The following MAGEA12 variants were observed in gnomAD, a reference collection of about 807,000 sequenced individuals.
MAGEA12 encodes the protein MAGE family member A12, also known as melanoma-associated antigen 12.
For synonymous variants in MAGEA12, 135 were observed against 104.7 expected, an observed-to-expected ratio of 1.29 and a Z score of -1.77; for missense variants, 235 against 240.1, an observed-to-expected ratio of 0.98 and a Z score of 0.14.
chrX:152,733,876 G>A lies in MAGEA12; in HGVS notation c.-182+17G>A, dbSNP rs1275255336. 8.1e-5 allele frequency: 9 copies of A among 110,778 alleles called. No homozygotes were observed. Among genetic ancestry groups the A allele is most frequent in the African/African-American group, 2.0e-4 (6 of 30,397 alleles). 9.1% of individuals were successfully genotyped at this position (110,778 alleles called of 1,213,427 possible). A position where few individuals can be genotyped will look rare whatever the true frequency, so the allele number is the denominator to read the frequency against. On this transcript the variant is annotated intron_variant, in intron 1 of 2. Transcript: ENST00000393869. ...GGAGGCAAGGTAAGATGCCGAGGGA[G>A]GACTGAGGCGGGCCTCACCCCAGAC...
At chrX:152,734,295 C>T (rs1187171551) in intron 1 of MAGEA12, among the ~76,000 whole-genome samples, 1 of 110,490 alleles carries the variant, frequency 9.1e-6, no homozygotes, top group Non-Finnish European at 1.9e-5. Flanking sequence ...CCCCTGCAAT[C>T]AACCCACGGA....
chrX:152,737,624 C>A lies in MAGEA12; in HGVS notation c.*518C>A. ...AAAAAAGCATGGATACCTGGATATC[C>A]TTGGCTTCTTTGAGAATTTAAGAGA... is the stretch of plus-strand genomic sequence containing the variant. On this transcript the variant is annotated 3_prime_UTR_variant, in exon 3 of 3. Coordinates refer to ENST00000393869, the MANE Select transcript of MAGEA12 (RefSeq NM_001166387.4). 5.3e-6 allele frequency: 1 copy of A among 187,023 alleles called. No individual in the cohort carries two copies. The highest frequency in any genetic ancestry group is 1.0e-5 in the Non-Finnish European group (1 of 95,601). The allele number at this position is 187,023 out of a possible 1,213,427, so 15.4% of individuals were successfully genotyped here.
chrX:152,736,065 G>C, intron 2 of MAGEA12, 22 bp from the exon 3 acceptor site: 1 of 938,501 alleles, frequency 1.1e-6, no homozygotes, highest in East Asian at 3.1e-5. Context: ...ACCCTGAGGC[G>C]CCCTCTCACT....
At position 152,737,541 on chromosome X, in the gene MAGEA12, A is replaced by G; in HGVS notation, c.*435A>G. 1 of 230,220 alleles carries G rather than the reference A, an allele frequency of 4.3e-6. No homozygotes were observed. The highest frequency in any genetic ancestry group is 5.9e-5 in the Admixed American group (1 of 16,822). The allele number at this position is 230,220 out of a possible 1,213,427, so 19.0% of individuals were successfully genotyped here. A position where few individuals can be genotyped will look rare whatever the true frequency, so the allele number is the denominator to read the frequency against. On this transcript the variant is annotated 3_prime_UTR_variant, in exon 3 of 3. Transcript: ENST00000393869. ...TAAAATACATGAGATAAAGACCTCA[A>G]GAAGTTAAAAGATACTTAATTCTTG... is the stretch of plus-strand genomic sequence containing the variant.
chrX:152,736,198 G>A lies in MAGEA12; in HGVS notation c.37G>A (p.Glu13Lys). 1 of 1,211,989 alleles carries A rather than the reference G, an allele frequency of 8.3e-7. No individual in the cohort carries two copies. Among genetic ancestry groups the A allele is most frequent in the Non-Finnish European group, 1.1e-6 (1 of 895,546 alleles). The change falls in exon 3 of 3, where the codon GAG (glutamate) becomes AAG (lysine). Residue 13 changes from glutamate (E) to lysine (K), a missense_variant. Physicochemically the swap from Glu to Lys is moderately conservative, Grantham distance 56. Transcript: ENST00000393869. Reference protein sequence around the residue: ...LEQRSQHCKPEEGLEAQGEAL... With the variant: ...LEQRSQHCKPKEGLEAQGEAL... ...GCAGAGGAGTCAGCACTGCAAGCCTGAGGAAGGCCTTGAGGCCCAAGGAGA... is the reference window on the plus strand; with the variant it reads ...GCAGAGGAGTCAGCACTGCAAGCCTAAGGAAGGCCTTGAGGCCCAAGGAGA...
In MAGEA12 at chrX:152,736,758, A is replaced by G. The variant is rs1556225750; in HGVS notation, c.597A>G (p.Thr199=). ...LLGDNQIVPK[T]GLLIIVLAII... is the part of the protein sequence containing the mutation. ...GCGACAATCAGATCGTGCCCAAGACAGGCCTCCTGATAATCGTCCTGGCCA... is the reference window on the plus strand; with the variant it reads ...GCGACAATCAGATCGTGCCCAAGACGGGCCTCCTGATAATCGTCCTGGCCA... The change falls in exon 3 of 3, where the codon ACA becomes ACG. Residue 199 remains threonine, a synonymous_variant. Coordinates refer to ENST00000393869, the MANE Select transcript of MAGEA12 (RefSeq NM_001166387.4). 2 of 1,211,959 alleles carry G rather than the reference A, an allele frequency of 1.7e-6. No individual in the cohort carries two copies. Among genetic ancestry groups the G allele is most frequent in the Non-Finnish European group, 2.2e-6 (2 of 895,595 alleles).
chrX:152,735,612 C>A (rs1380041494), intron 2 of MAGEA12, among the ~76,000 whole-genome samples: 1 of 112,011 alleles, frequency 8.9e-6, no homozygotes, highest in African/African-American at 3.2e-5. Flanking sequence ...TCCTTCTGTA[C>A]CGTATCAGGG....
rs141176185 is a variant in MAGEA12, at chrX:152,735,666, C to T, written c.-76+413C>T. Among the ~76,000 whole-genome samples the T allele has an allele frequency of 1.3e-3, 149 of 111,998 alleles. No homozygotes were observed. The South Asian group carries it at 0.023, about 17-fold the overall frequency. On this transcript the variant is annotated intron_variant, in intron 2 of 2. Transcript: ENST00000393869. ...AGAGTTTCTTTGGCCAGCAAAAGGG[C>T]GGTATTAGGCCCTGCAAGGAGAAAG...
rs781818672 is a variant in MAGEA12, at chrX:152,737,097, G to A, written c.936G>A (p.Gly312=). 4.1e-6 allele frequency: 5 copies of A among 1,208,755 alleles called. No homozygotes were observed. Among genetic ancestry groups the A allele is most frequent in the African/African-American group, 3.5e-5 (2 of 57,108 alleles). Residue 312 remains glycine (G), a synonymous_variant, in exon 3 of 3, where the codon GGG becomes GGA. Transcript: ENST00000393869. The stretch of plus-strand genomic sequence containing the variant: ...TGCATGAATGGGCTTTTAGAGAGGG[G>A]GAAGAGTGAGTCTGAGCACGAGTTG... ...PPLHEWAFRE[G]EE is the part of the protein sequence containing the mutation.
intron 1 of MAGEA12, among the ~76,000 whole-genome samples, 187 bp from the exon 2 acceptor site, chrX:152,734,961 G>C (rs139762448): frequency 2.1e-3 from 233 of 112,262 alleles, no homozygotes; most frequent in African/African-American, 7.1e-3. Context: ...ATAAGGTGTT[G>C]GTGTAAAGAG....
In MAGEA12 at chrX:152,733,785, C is replaced by G. The variant is rs1464894275; in HGVS notation, c.-256C>G. The G allele has an allele frequency of 2.7e-5, 3 of 111,582 alleles. No individual in the cohort carries two copies. Among genetic ancestry groups the G allele is most frequent in the African/African-American group, 9.8e-5 (3 of 30,615 alleles). 9.2% of individuals were successfully genotyped at this position (111,582 alleles called of 1,213,427 possible). Reference sequence around the variant, plus strand: ...GACTTGCGCGTTGGAGGTCAGAGAACAGCGAGATTCTCGCCCTGAGCAACG... The same window carrying G: ...GACTTGCGCGTTGGAGGTCAGAGAAGAGCGAGATTCTCGCCCTGAGCAACG... On this transcript the variant is annotated 5_prime_UTR_variant, in exon 1 of 3. Coordinates refer to ENST00000393869, the MANE Select transcript of MAGEA12 (RefSeq NM_001166387.4).
In MAGEA12 at chrX:152,736,428, C is replaced by G. The variant is rs371698932; in HGVS notation, c.267C>G (p.Asn89Lys). The G allele has an allele frequency of 2.2e-5, 27 of 1,209,955 alleles. No individual in the cohort carries two copies. Among genetic ancestry groups the G allele is most frequent in the Middle Eastern group, 4.6e-4 (2 of 4,374 alleles). ...GTCAATCCGATGAGGGCTCCAGCAA[C>G]GAAGAACAGGAAGGGCCAAGCACCT... ...LWSQSDEGSS[N>K]EEQEGPSTFP... Residue 89 changes from asparagine (N) to lysine (K), a missense_variant, in exon 3 of 3, where the codon AAC becomes AAG. Coordinates refer to ENST00000393869, the MANE Select transcript of MAGEA12 (RefSeq NM_001166387.4).
At chrX:152,734,557 A>G (rs782179874) in intron 1 of MAGEA12, among the ~76,000 whole-genome samples, 59 of 111,398 alleles carry the variant, frequency 5.3e-4, no homozygotes, top group Non-Finnish European at 8.5e-4. Flanking sequence ...TTCAGCAGGG[A>G]GTTGGAGCCC....
Position 152,736,131 on chromosome X carries a change from A to G in MAGEA12, c.-31A>G. On this transcript the variant is annotated 5_prime_UTR_variant, in exon 3 of 3. Transcript: ENST00000393869. Reference sequence around the variant, plus strand: ...CGGAGCAGCACTAGCTCCTGCCCACACTCCTACCTGCTGCCCTGACCAGAG... The same window carrying G: ...CGGAGCAGCACTAGCTCCTGCCCACGCTCCTACCTGCTGCCCTGACCAGAG... 8.3e-7 allele frequency: 1 copy of G among 1,197,978 alleles called. No individual in the cohort carries two copies. Among genetic ancestry groups the G allele is most frequent in the Non-Finnish European group, 1.1e-6 (1 of 888,693 alleles).
Position 152,736,533 on chromosome X carries a change from TC to T in MAGEA12, c.373del (p.Arg125GlufsTer25). ...ELVHFLLLKY[R>X]AREPFTKAEM... ...TGGTTCATTTTCTGCTCCTCAAGTA[TC>T]GAGCCAGGGAGCCATTCACAAAGGC... On this transcript the variant is annotated frameshift_variant, in exon 3 of 3. Coordinates refer to ENST00000393869, the MANE Select transcript of MAGEA12 (RefSeq NM_001166387.4). LOFTEE classifies it low-confidence loss of function (END_TRUNC). 1 of 1,211,696 alleles carries T rather than the reference TC, an allele frequency of 8.3e-7. No homozygotes were observed. Among genetic ancestry groups the T allele is most frequent in the Non-Finnish European group, 1.1e-6 (1 of 895,487 alleles).
At chrX:152,735,655 C>A (rs1932299254) in intron 2 of MAGEA12, among the ~76,000 whole-genome samples, 2 of 112,093 alleles carry the variant, frequency 1.8e-5, no homozygotes, top group African/African-American at 6.5e-5. Flanking sequence ...TTTCTTTGGC[C>A]AGCAAAAGGG....
chrX:152,737,402 A>G lies in MAGEA12; in HGVS notation c.*296A>G. The stretch of plus-strand genomic sequence containing the variant: ...ACACATAGTGCTGTTTATATAGTTT[A>G]GGAGTAAGAGTGTTGTTTTTTATTC... On this transcript the variant is annotated 3_prime_UTR_variant, in exon 3 of 3. Transcript: ENST00000393869. The G allele has an allele frequency of 2.4e-6, 1 of 423,046 alleles. No homozygotes were observed. Among genetic ancestry groups the G allele is most frequent in the South Asian group, 2.8e-5 (1 of 36,290 alleles). 34.9% of individuals were successfully genotyped at this position (423,046 alleles called of 1,213,427 possible).
chrX:152,735,692 G>T (rs1322542947), intron 2 of MAGEA12, among the ~76,000 whole-genome samples: 5 of 112,302 alleles, frequency 4.5e-5, no homozygotes, highest in Admixed American at 2.8e-4. Context: ...AAGGAGAAAG[G>T]TGAGGGCCCT....
At chrX:152,735,989 C>A in intron 2 of MAGEA12, 98 bp from the exon 3 acceptor site, 3 of 509,925 alleles carry the variant, frequency 5.9e-6, no homozygotes, top group Non-Finnish European at 9.8e-6. Context: ...ACATGGGACT[C>A]CAGAGCGCCT....
Sources: allele counts gnomAD v4.1 joint callset (sites outside exome capture counted in the v4.1 genomes callset), GRCh38; gene constraint gnomAD v4.1.1; transcripts MANE v1.5; gene names NCBI Gene and HGNC (gene_info 2026-07-23, HGNC 2026-07-21).